Variants in COX10 observed in about 807,000 individuals in gnomAD.
COX10 encodes protoheme IX farnesyltransferase, mitochondrial.
COX10 carries 27 observed loss-of-function variants against 37.3 expected under a neutral mutation model. That is an observed-to-expected ratio of 0.72 (90% CI 0.53 to 1.00). The LOEUF (loss-of-function observed/expected upper bound fraction) is 1.00, where lower values mean the gene tolerates loss of function less well. COX10 is among the 50% of genes least tolerant of loss of function. COX10 has a pLI of 0.00. For synonymous variants in COX10, 222 were observed against 229.1 expected (o/e 0.97, Z 0.28); for missense variants, 475 against 563.2 (o/e 0.84, Z 1.59).
At chr17:14,074,100 A>G (rs1466405615) in intron 1 of COX10, among the ~76,000 whole-genome samples, 2 of 151,646 alleles carry the variant, frequency 1.3e-5, no homozygotes, top group African/African-American at 4.9e-5. Flanking sequence ...TGAAATGAAA[A>G]TTTTCCCTGG....
intron 5 of COX10, among the ~76,000 whole-genome samples, chr17:14,191,603 G>A (rs1038844218): frequency 1.6e-4 from 24 of 152,216 alleles, no homozygotes; most frequent in African/African-American, 5.8e-4. Flanking sequence ...GGAACACTGT[G>A]CAGGAGGCAT....
At chr17:14,139,815 T>A (rs1389258563) in intron 4 of COX10, among the ~76,000 whole-genome samples, 5 of 152,136 alleles carry the variant, frequency 3.3e-5, no homozygotes, top group Non-Finnish European at 7.4e-5. Context: ...GTCTGTAACT[T>A]CTTGGAAAAA....
chr17:14,200,458 A>C (rs554984570), intron 6 of COX10, among the ~76,000 whole-genome samples: 3 of 152,340 alleles, frequency 2.0e-5, no homozygotes, highest in African/African-American at 7.2e-5. Context: ...ACAGCCCTCT[A>C]ATCAGAGCCA....
chr17:14,169,372 C>T (rs1014761572), intron 5 of COX10, among the ~76,000 whole-genome samples: 2 of 152,160 alleles, frequency 1.3e-5, no homozygotes, highest in African/African-American at 2.4e-5. Context: ...CAGACATTCC[C>T]ACATCTTCCT....
intron 4 of COX10, among the ~76,000 whole-genome samples, chr17:14,111,837 A>G (rs1007803077): frequency 8.5e-5 from 13 of 152,138 alleles, no homozygotes; most frequent in African/African-American, 3.1e-4. Context: ...ATGTGGATAA[A>G]GATCCTTCCC....
intron 5 of COX10, among the ~76,000 whole-genome samples, chr17:14,165,818 A>C (rs1905268668): frequency 6.6e-6 from 1 of 152,242 alleles, no homozygotes; most frequent in Non-Finnish European, 1.5e-5. Context: ...GTGAATACAC[A>C]AATGATAAGA....
Position 14,128,569 on chromosome 17 carries a change from A to G in COX10, c.624+26327A>G, listed in dbSNP as rs1327036261. On this transcript the variant is annotated intron_variant, in intron 4 of 6. Transcript: ENST00000261643. ...GTGCAAATTATCCAGAATTCTCCTG[A>G]TAGGGTGTGCATATAGTAGGGATTC... 3.3e-5 allele frequency among the ~76,000 whole-genome samples: 5 copies of G among 152,224 alleles called. No individual in the cohort carries two copies. The East Asian group carries it at 9.6e-4, about 29-fold the overall frequency.
chr17:14,086,266 A>C (rs1915407250), intron 3 of COX10, among the ~76,000 whole-genome samples: 1 of 152,008 alleles, frequency 6.6e-6, no homozygotes, highest in Non-Finnish European at 1.5e-5. Flanking sequence ...ATTTATCTGC[A>C]TTGTTAATAT....
chr17:14,135,989 A>G (rs938771497), intron 4 of COX10, among the ~76,000 whole-genome samples: 1 of 152,026 alleles, frequency 6.6e-6, no homozygotes, highest in Non-Finnish European at 1.5e-5. Context: ...ATGACAAAAG[A>G]AATTAAAAAT....
At chr17:14,095,917 G>A (rs1484062491) in intron 3 of COX10, among the ~76,000 whole-genome samples, 2 of 152,110 alleles carry the variant, frequency 1.3e-5, no homozygotes, top group Non-Finnish European at 2.9e-5. Flanking sequence ...ACCCAGTCAA[G>A]GATGTTTCAG....
intron 4 of COX10, 152 bp downstream of exon 4, chr17:14,102,394 C>A: frequency 8.5e-7 from 1 of 1,173,946 alleles, no homozygotes; most frequent in Non-Finnish European, 1.2e-6. Context: ...GTTTCATAAC[C>A]AATTTGTCTT....
intron 4 of COX10, among the ~76,000 whole-genome samples, chr17:14,153,263 A>G (rs1235896163): frequency 6.6e-6 from 1 of 152,138 alleles, no homozygotes; most frequent in Admixed American, 6.5e-5. Context: ...CAACCAAAAA[A>G]TCACTAATTT....
intron 3 of COX10, among the ~76,000 whole-genome samples, chr17:14,081,289 G>A (rs532594583): frequency 9.2e-5 from 14 of 152,304 alleles, no homozygotes; most frequent in African/African-American, 7.2e-5. Flanking sequence ...ACTGAGAAAC[G>A]ACTTGGGCCT....
At chr17:14,088,014 T>C (rs1250238108) in intron 3 of COX10, among the ~76,000 whole-genome samples, 6 of 152,186 alleles carry the variant, frequency 3.9e-5, no homozygotes, top group African/African-American at 1.4e-4. Flanking sequence ...TATAGCTGCC[T>C]CTAAGCTCTC....
chr17:14,204,855 A>G (rs1284104244), intron 6 of COX10, among the ~76,000 whole-genome samples: 2 of 152,232 alleles, frequency 1.3e-5, no homozygotes, highest in African/African-American at 4.8e-5. Context: ...TAATCTCTGT[A>G]CTTTGAGAGG....
chr17:14,086,399 TTC>T (rs1325874015), intron 3 of COX10, among the ~76,000 whole-genome samples: 1 of 152,126 alleles, frequency 6.6e-6, no homozygotes, highest in Non-Finnish European at 1.5e-5. Context: ...TGTTTGAATG[TTC>T]TATTCACAAA....
intron 3 of COX10, among the ~76,000 whole-genome samples, chr17:14,078,525 T>A (rs1170867554): frequency 6.6e-6 from 1 of 152,174 alleles, no homozygotes; most frequent in Non-Finnish European, 1.5e-5. Context: ...TGAGTCTAAT[T>A]TCTGTCACCA....
At chr17:14,134,765 T>G (rs722554) in intron 4 of COX10, among the ~76,000 whole-genome samples, 1 of 151,044 alleles carries the variant, frequency 6.6e-6, no homozygotes. Context: ...GATAAATTAA[T>G]TGCCCTCGGT....
chr17:14,155,955 C>T (rs1358623794), intron 4 of COX10, among the ~76,000 whole-genome samples: 1 of 152,172 alleles, frequency 6.6e-6, no homozygotes, highest in African/African-American at 2.4e-5. Context: ...AAATACACCT[C>T]GTACACAGCA....
Sources: gnomAD v4.1 joint callset for allele counts (sites outside exome capture counted in the v4.1 genomes callset) on GRCh38, gnomAD v4.1.1 for gene constraint, MANE v1.5 for transcripts, NCBI Gene and HGNC (gene_info 2026-07-23, HGNC 2026-07-21) for gene names.